Variants in CCDC192 observed in about 807,000 individuals in gnomAD.
The protein encoded by CCDC192 is coiled-coil domain containing 192, also known as coiled-coil domain-containing protein 192.
chr5:127,812,709 A>G (rs1488536431), intron 5 of CCDC192, among the ~76,000 whole-genome samples: 2 of 152,218 alleles, frequency 1.3e-5, no homozygotes, highest in Admixed American at 1.3e-4. Flanking sequence ...CAAAGGAGGA[A>G]TTAGTACGGG....
intron 5 of CCDC192, among the ~76,000 whole-genome samples, chr5:127,801,117 A>C (rs908752246): frequency 6.6e-6 from 1 of 152,170 alleles, no homozygotes; most frequent in Non-Finnish European, 1.5e-5. Flanking sequence ...TAACACTCAC[A>C]GGGTGAGTGT....
intron 5 of CCDC192, among the ~76,000 whole-genome samples, chr5:127,850,170 T>A (rs1398537680): frequency 2.0e-5 from 3 of 152,150 alleles, no homozygotes; most frequent in Non-Finnish European, 4.4e-5. Flanking sequence ...CCCTTATCTC[T>A]GGCAGGTGTA....
At chr5:127,759,541 G>T (rs1475353897) in intron 3 of CCDC192, among the ~76,000 whole-genome samples, 2 of 152,144 alleles carry the variant, frequency 1.3e-5, no homozygotes, top group African/African-American at 4.8e-5. Context: ...TCAGCCTCTA[G>T]AATTTGAAGA....
At chr5:127,797,901 T>G (rs1291759974) in intron 4 of CCDC192, among the ~76,000 whole-genome samples, 1 of 151,506 alleles carries the variant, frequency 6.6e-6, no homozygotes, top group Non-Finnish European at 1.5e-5. Flanking sequence ...AATATATTTG[T>G]GTGTTTTTTC....
At chr5:127,754,507 A>C in intron 3 of CCDC192, 132 bp downstream of exon 3, 1 of 382,190 alleles carries the variant, frequency 2.6e-6, no homozygotes, top group Non-Finnish European at 4.6e-6. Flanking sequence ...ACACACACAC[A>C]CACACATTGC....
chr5:127,713,669 G>T (rs1390226883), intron 2 of CCDC192, among the ~76,000 whole-genome samples: 1 of 151,994 alleles, frequency 6.6e-6, no homozygotes, highest in African/African-American at 2.4e-5. Context: ...TTTATTCTAG[G>T]AATGTTATAC....
intron 5 of CCDC192, among the ~76,000 whole-genome samples, chr5:127,872,534 A>G (rs1751906071): frequency 6.6e-6 from 1 of 152,126 alleles, no homozygotes; most frequent in Non-Finnish European, 1.5e-5. Context: ...ACTTCCAGTG[A>G]CCTCTCAACC....
At chr5:127,896,811 A>G (rs1449208903) in intron 6 of CCDC192, among the ~76,000 whole-genome samples, 1 of 152,190 alleles carries the variant, frequency 6.6e-6, no homozygotes, top group Non-Finnish European at 1.5e-5. Context: ...AGAACATATA[A>G]TGACTGGTAT....
At chr5:127,886,567 C>A (rs1432608106) in intron 6 of CCDC192, among the ~76,000 whole-genome samples, 1 of 152,180 alleles carries the variant, frequency 6.6e-6, no homozygotes, top group East Asian at 1.9e-4. Context: ...AATATGTTTT[C>A]TCTTCCTTAT....
At chr5:127,714,192 A>G (rs1363764904) in intron 2 of CCDC192, among the ~76,000 whole-genome samples, 1 of 152,176 alleles carries the variant, frequency 6.6e-6, no homozygotes, top group Non-Finnish European at 1.5e-5. Flanking sequence ...TTGTGGCTGA[A>G]TAGTATTCTA....
chr5:127,801,635 T>G (rs781285068), intron 5 of CCDC192, among the ~76,000 whole-genome samples: 1 of 152,224 alleles, frequency 6.6e-6, no homozygotes, highest in Non-Finnish European at 1.5e-5. Context: ...AACTCTTTTC[T>G]GTCCTTGCAA....
chr5:127,839,710 A>C (rs951647251), intron 5 of CCDC192, among the ~76,000 whole-genome samples: 4 of 152,134 alleles, frequency 2.6e-5, no homozygotes, highest in Non-Finnish European at 4.4e-5. Context: ...TCGTGACCTT[A>C]GGTTAACTTC....
chr5:127,830,695 T>C (rs1749747849), intron 5 of CCDC192, among the ~76,000 whole-genome samples: 1 of 151,700 alleles, frequency 6.6e-6, no homozygotes, highest in Admixed American at 6.6e-5. Flanking sequence ...GGACACAATT[T>C]GGCCCACAAC....
intron 3 of CCDC192, among the ~76,000 whole-genome samples, chr5:127,756,119 C>T (rs1457190625): frequency 6.6e-6 from 1 of 151,344 alleles, no homozygotes; most frequent in African/African-American, 2.4e-5. Context: ...GGCGACAGAG[C>T]CAGACTCTGT....
chr5:127,903,409 A>AT (rs1753105611), intron 6 of CCDC192, among the ~76,000 whole-genome samples: 4 of 151,944 alleles, frequency 2.6e-5, no homozygotes, highest in Admixed American at 2.6e-4. Flanking sequence ...CACCCAGCTA[A>AT]TTTTTGTATT....
rs573488840 is a variant in CCDC192 at position 127,715,918 on chromosome 5, C to T, written c.114+8158C>T. On this transcript the variant is annotated intron_variant, in intron 2 of 6. Transcript: ENST00000514853. ...TACTGCCTAATTGTTTTGACTAGGG[C>T]TTCCAGTACTATGTTGAATAAAATT... Among the ~76,000 whole-genome samples the T allele has an allele frequency of 3.9e-5, 6 of 152,220 alleles. No homozygotes were observed. The South Asian group carries it at 1.2e-3, about 32-fold the overall frequency.
At chr5:127,936,171 G>T (rs541136349) in intron 6 of CCDC192, among the ~76,000 whole-genome samples, 13 of 152,140 alleles carry the variant, frequency 8.5e-5, no homozygotes, top group Admixed American at 8.5e-4. Flanking sequence ...TATACTGGTA[G>T]CAGATGAGGC....
chr5:127,857,014 C>T (rs1376754783), intron 5 of CCDC192, among the ~76,000 whole-genome samples: 1 of 152,140 alleles, frequency 6.6e-6, no homozygotes, highest in Non-Finnish European at 1.5e-5. Context: ...CATCAGATTG[C>T]CACACACTTT....
chr5:127,851,802 C>T (rs1245910691), intron 5 of CCDC192, among the ~76,000 whole-genome samples: 1 of 152,114 alleles, frequency 6.6e-6, no homozygotes, highest in African/African-American at 2.4e-5. Context: ...TTCTTCCTGT[C>T]AACACTTGAA....
Sources: gnomAD v4.1 joint callset for allele counts (sites outside exome capture counted in the v4.1 genomes callset) on GRCh38, gnomAD v4.1.1 for gene constraint, MANE v1.5 for transcripts, NCBI Gene and HGNC (gene_info 2026-07-23, HGNC 2026-07-21) for gene names.